Variants in ITGA4 observed in about 807,000 individuals in gnomAD.
ITGA4 encodes integrin alpha-4.
A neutral mutation model predicts 133.6 loss-of-function variants in ITGA4; 63 were observed. That is an observed-to-expected ratio of 0.47 (90% CI 0.38 to 0.58). ITGA4 has a LOEUF of 0.58. ITGA4 is among the 20% of genes least tolerant of loss of function. ITGA4 has a pLI of 0.00. For synonymous variants in ITGA4, 483 were observed against 438.0 expected (o/e 1.10, Z -1.28); for missense variants, 1,076 against 1,252.7 (o/e 0.86, Z 2.13).
chr2:181,520,448 A>G (rs1366693143), intron 17 of ITGA4, among the ~76,000 whole-genome samples: 2 of 152,028 alleles, frequency 1.3e-5, no homozygotes, highest in African/African-American at 4.8e-5. Flanking sequence ...CTTGAAGGCA[A>G]TGTATGGTTC....
chr2:181,530,713 C>A (rs1686927623), intron 24 of ITGA4, 64 bp downstream of exon 24: 7 of 1,463,982 alleles, frequency 4.8e-6, no homozygotes, highest in African/African-American at 2.8e-5. Flanking sequence ...CACTTAAAAT[C>A]AAGTCAATGG....
rs760651778 is a variant in ITGA4 at position 181,481,651 on chromosome 2, G to A, written c.808G>A (p.Gly270Arg). The A allele has an allele frequency of 1.9e-6, 3 of 1,597,122 alleles. No individual in the cohort carries two copies. Among genetic ancestry groups the A allele is most frequent in the Non-Finnish European group, 2.6e-6 (3 of 1,167,084 alleles). The change falls in exon 7 of 28, where the codon GGA becomes AGA. Residue 270 changes from glycine (G) to arginine (R), a missense_variant. Gly to Arg is a moderately radical substitution (Grantham distance 125). Coordinates refer to ENST00000397033, the MANE Select transcript of ITGA4 (RefSeq NM_000885.6). ...FRSQHTTEVVGGAPQHEQIGK... is the reference protein window; with the variant it reads ...FRSQHTTEVVRGAPQHEQIGK... ...GAGCCAGCATACTACCGAAGTAGTC[G>A]GAGGAGCTCCTCAACATGAGCAGAT... is the stretch of plus-strand genomic sequence containing the variant.
intron 25 of ITGA4, among the ~76,000 whole-genome samples, chr2:181,532,147 T>A (rs1284597416): frequency 6.6e-6 from 1 of 152,174 alleles, no homozygotes; most frequent in East Asian, 1.9e-4. Flanking sequence ...GGCCTCTGTA[T>A]CTGTTTTGGT....
intron 2 of ITGA4, among the ~76,000 whole-genome samples, chr2:181,468,081 A>G (rs915834471): frequency 7.9e-5 from 12 of 152,208 alleles, no homozygotes; most frequent in African/African-American, 2.9e-4. Flanking sequence ...TTTCGCTGCC[A>G]GGCTGTCATC....
At chr2:181,493,061 C>CT in intron 10 of ITGA4, 1 of 304,502 alleles carries the variant, frequency 3.3e-6, no homozygotes, top group Non-Finnish European at 6.1e-6. Flanking sequence ...CCCCAGTGGT[C>CT]TGGCTGTAGA....
chr2:181,457,905 G>A, intron 1 of ITGA4, 54 bp downstream of exon 1: 11 of 1,480,102 alleles, frequency 7.4e-6, no homozygotes, highest in Non-Finnish European at 1.0e-5. Context: ...CGTGAGAATG[G>A]CGCCCTAGGG....
intron 9 of ITGA4, among the ~76,000 whole-genome samples, chr2:181,485,553 G>C (rs187881795): frequency 6.6e-6 from 1 of 151,996 alleles, no homozygotes; most frequent in South Asian, 2.1e-4. Flanking sequence ...TCACCTTTTC[G>C]CTCTTTGCAC....
intron 1 of ITGA4, 92 bp from the exon 2 acceptor site, chr2:181,458,104 T>C (rs1472720773): frequency 6.4e-7 from 1 of 1,553,378 alleles, no homozygotes; most frequent in Non-Finnish European, 8.8e-7. Context: ...GTGGGGAAGC[T>C]GCCCTGCTGC....
At position 181,485,403 on chromosome 2, in the gene ITGA4, A is replaced by ATT. The variant is rs5836791; in HGVS notation, c.1042-467_1042-466dup. On this transcript the variant is annotated intron_variant, in intron 9 of 27. Transcript: ENST00000397033. The stretch of plus-strand genomic sequence containing the variant: ...ATGAAATGTCTTCTGTTATAATTAG[A>ATT]TTTTTTTTTTTTGCGTCTCGATATT... 5.9e-3 allele frequency among the ~76,000 whole-genome samples: 878 copies of ATT among 148,778 alleles called. 12 individuals carry two copies. The highest frequency in any genetic ancestry group is 0.017 in the African/African-American group (684 of 40,554).
intron 14 of ITGA4, among the ~76,000 whole-genome samples, chr2:181,496,795 CACA>C (rs1381887342): frequency 6.6e-6 from 1 of 152,166 alleles, no homozygotes; most frequent in African/African-American, 2.4e-5. Context: ...ATTAATAATT[CACA>C]ACGTTTATGA....
At chr2:181,520,211 A>G (rs1686689673) in intron 17 of ITGA4, among the ~76,000 whole-genome samples, 2 of 152,154 alleles carry the variant, frequency 1.3e-5, no homozygotes, top group South Asian at 4.1e-4. Flanking sequence ...AACAACTGAG[A>G]ATTATTGACG....
At chr2:181,521,389 A>T (rs1007588587) in intron 17 of ITGA4, among the ~76,000 whole-genome samples, 11 of 152,324 alleles carry the variant, frequency 7.2e-5, no homozygotes, top group Non-Finnish European at 1.5e-4. Context: ...CTTCATATTT[A>T]AAATATTTTA....
intron 17 of ITGA4, 52 bp downstream of exon 17, chr2:181,511,827 G>GC: frequency 1.2e-6 from 1 of 830,530 alleles, no homozygotes; most frequent in South Asian, 1.5e-5. Context: ...GGTGTAATGA[G>GC]TGTGTGCATT....
rs540437145 is a variant in ITGA4 at position 181,463,485 on chromosome 2, TGGA to T, written c.319+5170_319+5172del. The stretch of plus-strand genomic sequence containing the variant: ...TGTACAAGGACACTGGCAATAGCAG[TGGA>T]GAAGAACATGGAGATTCTGAAGGTA... On this transcript the variant is annotated intron_variant, in intron 2 of 27. Transcript: ENST00000397033. 3.9e-3 allele frequency among the ~76,000 whole-genome samples: 596 copies of T among 152,178 alleles called. 3 individuals carry two copies. The highest frequency in any genetic ancestry group is 0.014 in the African/African-American group (562 of 41,528).
intron 10 of ITGA4, among the ~76,000 whole-genome samples, chr2:181,489,989 C>T (rs775996449): frequency 7.9e-5 from 12 of 152,102 alleles, no homozygotes; most frequent in Non-Finnish European, 1.6e-4. Context: ...GCTCACAACT[C>T]TAAGGGGGTG....
intron 15 of ITGA4, among the ~76,000 whole-genome samples, chr2:181,509,254 T>C (rs13032116): frequency 0.73 from 109,697 of 150,528 alleles, 40,204 homozygotes; most frequent in South Asian, 0.9. Context: ...TTGAGAGATA[T>C]AAAGAGAAAA....
chr2:181,493,068 T>C (rs1686087088), intron 10 of ITGA4: 1 of 322,902 alleles, frequency 3.1e-6, no homozygotes, highest in Non-Finnish European at 5.7e-6. Flanking sequence ...GGTCTGGCTG[T>C]AGAGCCCGCG....
intron 2 of ITGA4, among the ~76,000 whole-genome samples, chr2:181,466,855 T>C (rs975781881): frequency 1.1e-4 from 16 of 152,222 alleles, no homozygotes; most frequent in African/African-American, 3.9e-4. Context: ...CAAAGCACCA[T>C]AATGCACGTA....
chr2:181,482,617 A>G lies in ITGA4; in HGVS notation c.1007A>G (p.Glu336Gly), dbSNP rs775022227. Residue 336 changes from glutamate to glycine, a missense_variant, in exon 9 of 28, where the codon GAA becomes GGA. This residue lies in a region of ITGA4 where 436 missense variants were observed against 590.7 expected (regional missense o/e 0.74). Transcript: ENST00000397033. Reference protein sequence around the residue: ...GAPMQSTIREEGRVFVYINSG... With the variant: ...GAPMQSTIREGGRVFVYINSG... Reference sequence around the variant, plus strand: ...CCCATGCAGAGCACCATCAGAGAGGAAGGAAGAGTGTTTGTGTACATCAAC... The same window carrying G: ...CCCATGCAGAGCACCATCAGAGAGGGAGGAAGAGTGTTTGTGTACATCAAC... 1 of 1,613,692 alleles carries G rather than the reference A, an allele frequency of 6.2e-7. No individual in the cohort carries two copies. Among genetic ancestry groups the G allele is most frequent in the Non-Finnish European group, 8.5e-7 (1 of 1,179,708 alleles).
Sources: allele counts gnomAD v4.1 joint callset (sites outside exome capture counted in the v4.1 genomes callset), GRCh38; gene constraint gnomAD v4.1.1; regional missense constraint gnomAD v4.1.1; transcripts MANE v1.5; gene names NCBI Gene and HGNC (gene_info 2026-07-23, HGNC 2026-07-21).